COL18A1: variants seen among roughly 807,000 people sequenced by gnomAD.
COL18A1 encodes the protein collagen alpha-1(XVIII) chain.
COL18A1 carries 133 observed loss-of-function variants against 168.0 expected under a neutral mutation model. That is an observed-to-expected ratio of 0.79 (90% CI 0.69 to 0.91). COL18A1 has a LOEUF of 0.91. Among genes scored for constraint, COL18A1 ranks in the 40% least tolerant of loss-of-function variants. The pLI, the probability that COL18A1 is intolerant of heterozygous loss-of-function variation, is 0.00. For missense variants in COL18A1, 2,126 were observed against 1,925.4 expected (o/e 1.10, Z -1.95); for synonymous variants, 949 against 809.0 (o/e 1.17, Z -2.94).
At position 45,505,145 on chromosome 21, in the gene COL18A1, A is replaced by G. The variant is rs2146080602; in HGVS notation, c.2880A>G (p.Gly960=). ...GTCGCCGTCCGTAGGGTCCCAAGGGAGAGAGCATCCGGGGCCAGCCCGGCC... is the reference window on the plus strand; with the variant it reads ...GTCGCCGTCCGTAGGGTCCCAAGGGGGAGAGCATCCGGGGCCAGCCCGGCC... ...RGYPGIPGPK[G]ESIRGQPGPP... Residue 960 remains glycine, a synonymous_variant, in exon 35 of 42, where the codon GGA becomes GGG. Coordinates refer to ENST00000651438, the MANE Select transcript of COL18A1 (RefSeq NM_001379500.1). 5.0e-6 allele frequency: 8 copies of G among 1,609,518 alleles called. No homozygotes were observed. The highest frequency in any genetic ancestry group is 6.8e-6 in the Non-Finnish European group (8 of 1,178,864).
intron 2 of COL18A1, among the ~76,000 whole-genome samples, chr21:45,451,587 T>G (rs2034623427): frequency 6.6e-6 from 1 of 152,162 alleles, no homozygotes; most frequent in Non-Finnish European, 1.5e-5. Context: ...CTGAGGGAGT[T>G]TGTGGTTAAC....
chr21:45,467,444 C>G (rs2035251540), intron 2 of COL18A1: 2 of 985,136 alleles, frequency 2.0e-6, no homozygotes, highest in Non-Finnish European at 1.2e-6. Flanking sequence ...TGCAGCCCCT[C>G]CAAGGGGTGA....
chr21:45,453,324 A>G (rs892315554), intron 2 of COL18A1, among the ~76,000 whole-genome samples: 11 of 147,152 alleles, frequency 7.5e-5, no homozygotes, highest in African/African-American at 3.0e-4. Flanking sequence ...CATGTGACAT[A>G]TATGGCATAG....
At chr21:45,435,154 T>C (rs1306122257) in intron 2 of COL18A1, among the ~76,000 whole-genome samples, 3 of 148,904 alleles carry the variant, frequency 2.0e-5, no homozygotes, top group Admixed American at 6.8e-5. Flanking sequence ...GGGACAGATA[T>C]AGGGATGCCG....
At chr21:45,494,686 GCA>G in intron 27 of COL18A1, 115 bp downstream of exon 27, 1 of 1,512,744 alleles carries the variant, frequency 6.6e-7, no homozygotes, top group Non-Finnish European at 9.1e-7. Context: ...TCTCCCTAGT[GCA>G]GTTTTAAAGC....
At chr21:45,502,611 T>C (rs2036925607) in intron 32 of COL18A1, 1 of 152,170 alleles carries the variant, frequency 6.6e-6, no homozygotes, top group Admixed American at 6.5e-5. Flanking sequence ...CGAACAACAT[T>C]CCTGCACCTC....
In COL18A1 at chr21:45,475,141, C is replaced by T. The variant is rs149937286; in HGVS notation, c.739-335C>T. ...GGGAAACCTGTGCGGGGAGCATCTG[C>T]GGTGCGGCCTCCTCCAGGGCAGGGC... On this transcript the variant is annotated intron_variant, in intron 4 of 41. Coordinates refer to ENST00000651438, the MANE Select transcript of COL18A1 (RefSeq NM_001379500.1). 3.1e-3 allele frequency among the ~76,000 whole-genome samples: 469 copies of T among 152,336 alleles called. 3 individuals carry two copies. Among genetic ancestry groups the T allele is most frequent in the African/African-American group, 0.011 (444 of 41,604 alleles).
rs796720849 is a variant in COL18A1 at position 45,510,961 on chromosome 21, AT to A, written c.3694-149del. Reference sequence around the variant, plus strand: ...AAAACACACACCCACAACACCCCACATACACCCCCAAACACCCCCCACACCC... The same window carrying A: ...AAAACACACACCCACAACACCCCACAACACCCCCAAACACCCCCCACACCC... On this transcript the variant is annotated intron_variant, in intron 40 of 41. Coordinates refer to ENST00000651438, the MANE Select transcript of COL18A1 (RefSeq NM_001379500.1). 45 of 25,392 alleles carry A rather than the reference AT, an allele frequency of 1.8e-3. 2 individuals carry two copies. Among genetic ancestry groups the A allele is most frequent in the African/African-American group, 5.6e-3 (11 of 1,978 alleles). The allele number at this position is 25,392 out of a possible 1,614,324, so 1.6% of individuals were successfully genotyped here.
At chr21:45,486,707 A>G in intron 15 of COL18A1, 154 bp from the exon 16 acceptor site, 1 of 761,314 alleles carries the variant, frequency 1.3e-6, no homozygotes, top group Non-Finnish European at 2.1e-6. Context: ...GTTAGAAGAA[A>G]GGCTGCTGTG....
At chr21:45,437,413 CAG>C (rs1235627821) in intron 2 of COL18A1, among the ~76,000 whole-genome samples, 4 of 94,690 alleles carry the variant, frequency 4.2e-5, no homozygotes, top group African/African-American at 1.1e-4. Context: ...CACTCACACT[CAG>C]ACACACAGGC....
At chr21:45,430,483 G>A (rs925305077) in intron 2 of COL18A1, among the ~76,000 whole-genome samples, 2 of 152,038 alleles carry the variant, frequency 1.3e-5, no homozygotes, top group Admixed American at 6.5e-5. Context: ...CTCGAGACTG[G>A]GATCCTGGGC....
At chr21:45,494,138 G>T (rs961209078) in intron 26 of COL18A1, 19 of 371,586 alleles carry the variant, frequency 5.1e-5, no homozygotes, top group South Asian at 2.2e-4. Flanking sequence ...GGTGTTTGGG[G>T]TGGGCCTCAG....
rs1427783054 is a variant in COL18A1, at chr21:45,472,183, AC to A, written c.652-1706del. Reference sequence around the variant, plus strand: ...CCGACACCAAGACCACCCAAGATGCACCCCCCGCCCGGGCTGCCCCAGTGGA... The same window carrying A: ...CCGACACCAAGACCACCCAAGATGCACCCCCGCCCGGGCTGCCCCAGTGGA... On this transcript the variant is annotated intron_variant, in intron 3 of 41. Coordinates refer to ENST00000651438, the MANE Select transcript of COL18A1 (RefSeq NM_001379500.1). Among the ~76,000 whole-genome samples the A allele has an allele frequency of 4.4e-5, 6 of 135,630 alleles. No individual in the cohort carries two copies. The South Asian group carries it at 9.5e-4, about 22-fold the overall frequency. 89.0% of individuals were successfully genotyped at this position (135,630 alleles called of 152,430 possible).
intron 4 of COL18A1, among the ~76,000 whole-genome samples, chr21:45,475,104 G>T (rs887868457): frequency 6.6e-6 from 1 of 152,212 alleles, no homozygotes; most frequent in Non-Finnish European, 1.5e-5. Flanking sequence ...CGGCCCAGCC[G>T]GGCGTGCGCT....
intron 2 of COL18A1, among the ~76,000 whole-genome samples, chr21:45,431,840 C>G (rs756966530): frequency 2.6e-4 from 40 of 152,062 alleles, no homozygotes; most frequent in Non-Finnish European, 3.8e-4. Flanking sequence ...CTCAGCTCCT[C>G]GGGGTACAGC....
At chr21:45,503,901 G>A (rs866014617) in intron 32 of COL18A1, 110 bp from the exon 33 acceptor site, 46 of 1,121,746 alleles carry the variant, frequency 4.1e-5, no homozygotes, top group Middle Eastern at 2.0e-4. Context: ...TCTCTACCGC[G>A]AAATGGCTAG....
chr21:45,493,560 C>T lies in COL18A1; in HGVS notation c.2337C>T (p.Ala779=), dbSNP rs1317512727. The T allele has an allele frequency of 4.5e-6, 7 of 1,555,612 alleles. No homozygotes were observed. The highest frequency in any genetic ancestry group is 6.1e-6 in the Non-Finnish European group (7 of 1,150,244). The change falls in exon 26 of 42, where the codon GCC becomes GCT. Residue 779 remains alanine (A), a synonymous_variant. Transcript: ENST00000651438. ...CCGACGGCGGTGCCCTGGGCCCTGCCCAGAAAGGAGCCAAGGTGAGGGCCG... is the reference window on the plus strand; with the variant it reads ...CCGACGGCGGTGCCCTGGGCCCTGCTCAGAAAGGAGCCAAGGTGAGGGCCG... The part of the protein sequence containing the change: ...FSPDGGALGP[A]QKGAKGEPGF...
intron 2 of COL18A1, among the ~76,000 whole-genome samples, chr21:45,438,422 G>A (rs2034277982): frequency 6.6e-6 from 1 of 152,164 alleles, no homozygotes; most frequent in Admixed American, 6.5e-5. Context: ...GCTGGGCAGG[G>A]GACCCCGGAC....
At chr21:45,511,820 G>A (rs1211518104) in intron 41 of COL18A1, among the ~76,000 whole-genome samples, 4 of 152,202 alleles carry the variant, frequency 2.6e-5, no homozygotes, top group African/African-American at 9.7e-5. Flanking sequence ...GGCAGGGCTG[G>A]GCCCCAGGGA....
Sources: allele counts gnomAD v4.1 joint callset (sites outside exome capture counted in the v4.1 genomes callset), GRCh38; gene constraint gnomAD v4.1.1; transcripts MANE v1.5; gene names NCBI Gene and HGNC (gene_info 2026-07-23, HGNC 2026-07-21).